ARHGAP26: variants seen among roughly 807,000 people sequenced by gnomAD.
ARHGAP26 encodes Rho GTPase activating protein 26.
In ARHGAP26, 38 loss-of-function variants were observed where a neutral mutation model predicts 104.8. That is an observed-to-expected ratio of 0.36 (90% CI 0.28 to 0.48). The LOEUF (loss-of-function observed/expected upper bound fraction) is 0.48, where lower values mean the gene tolerates loss of function less well. ARHGAP26 is among the 20% of genes least tolerant of loss of function. The pLI, the probability that ARHGAP26 is intolerant of heterozygous loss-of-function variation, is 0.99. For missense variants in ARHGAP26, 704 were observed against 947.9 expected (o/e 0.74, Z 3.38); for synonymous variants, 341 against 340.0 (o/e 1.00, Z -0.03).
chr5:143,152,300 A>G (rs1333960555), intron 20 of ARHGAP26, among the ~76,000 whole-genome samples: 2 of 152,216 alleles, frequency 1.3e-5, no homozygotes, highest in Non-Finnish European at 2.9e-5. Flanking sequence ...CAAGATGTTA[A>G]TAATTAAGGA....
chr5:143,096,014 A>T lies in ARHGAP26; in HGVS notation c.1539-24974A>T, dbSNP rs189917736. Among the ~76,000 whole-genome samples, 285 of 152,356 alleles carry T rather than the reference A, an allele frequency of 1.9e-3. 7 individuals are homozygous for T. Among genetic ancestry groups the T allele is most frequent in the Admixed American group, 0.016 (252 of 15,310 alleles). On this transcript the variant is annotated intron_variant, in intron 17 of 22. Coordinates refer to ENST00000645722, the MANE Select transcript of ARHGAP26 (RefSeq NM_001135608.3). ...TTTTTTAAAACTCTACCAACATTCAACAAGTGGTAATTTTTTAAAAAAATT... is the reference window on the plus strand; with the variant it reads ...TTTTTTAAAACTCTACCAACATTCATCAAGTGGTAATTTTTTAAAAAAATT...
intron 17 of ARHGAP26, among the ~76,000 whole-genome samples, chr5:143,106,346 C>T (rs147693085): frequency 6.6e-6 from 1 of 151,172 alleles, no homozygotes; most frequent in African/African-American, 2.4e-5. Flanking sequence ...CATCATTGTG[C>T]GGGTAACCAC....
chr5:143,099,275 A>C (rs1317883613), intron 17 of ARHGAP26, among the ~76,000 whole-genome samples: 1 of 152,220 alleles, frequency 6.6e-6, no homozygotes, highest in Non-Finnish European at 1.5e-5. Context: ...CCAGAAAGTA[A>C]GGACCTAAGC....
intron 17 of ARHGAP26, among the ~76,000 whole-genome samples, chr5:143,101,035 G>A (rs1037826313): frequency 6.6e-6 from 1 of 152,208 alleles, no homozygotes; most frequent in Admixed American, 6.5e-5. Flanking sequence ...GGAGGTTGCA[G>A]TGAACAAACA....
chr5:142,825,217 C>G (rs184274407), intron 1 of ARHGAP26, among the ~76,000 whole-genome samples: 3 of 152,318 alleles, frequency 2.0e-5, no homozygotes, highest in East Asian at 3.9e-4. Flanking sequence ...TACAACAGTA[C>G]CTAGCACACA....
intron 11 of ARHGAP26, among the ~76,000 whole-genome samples, chr5:143,006,316 CTTTTTTTTTTT>C (rs34154406): frequency 1.8e-5 from 2 of 112,874 alleles, no homozygotes; most frequent in Admixed American, 9.4e-5. Context: ...AGTGTTTTTT[CTTTTTTTTTTT>C]TTTTTTTTTT....
At chr5:143,073,771 C>G (rs1788603637) in intron 17 of ARHGAP26, among the ~76,000 whole-genome samples, 1 of 152,140 alleles carries the variant, frequency 6.6e-6, no homozygotes, top group Admixed American at 6.5e-5. Context: ...CTCCTGGCTT[C>G]TTTATTTTTG....
intron 17 of ARHGAP26, among the ~76,000 whole-genome samples, chr5:143,100,949 T>A (rs1328171761): frequency 2.0e-5 from 3 of 152,092 alleles, no homozygotes; most frequent in Non-Finnish European, 4.4e-5. Flanking sequence ...AAAAACTAGC[T>A]GAGTGTGGTG....
chr5:142,881,128 G>A (rs896454606), intron 4 of ARHGAP26, among the ~76,000 whole-genome samples: 27 of 152,222 alleles, frequency 1.8e-4, no homozygotes, highest in African/African-American at 6.0e-4. Context: ...TGCCCGCAGG[G>A]CTCCTCTTGG....
intron 12 of ARHGAP26, among the ~76,000 whole-genome samples, chr5:143,029,188 G>A (rs1781493193): frequency 6.6e-6 from 1 of 152,066 alleles, no homozygotes; most frequent in African/African-American, 2.4e-5. Context: ...AATGTGGGTG[G>A]TTTTCTCAAT....
At chr5:142,888,313 C>T (rs557884063) in intron 5 of ARHGAP26, among the ~76,000 whole-genome samples, 6 of 152,202 alleles carry the variant, frequency 3.9e-5, no homozygotes, top group African/African-American at 1.2e-4. Context: ...TGTTGAGGCT[C>T]TCTTGCCTGC....
intron 1 of ARHGAP26, among the ~76,000 whole-genome samples, chr5:142,826,741 C>A (rs181127343): frequency 1.1e-4 from 16 of 152,236 alleles, no homozygotes; most frequent in African/African-American, 3.1e-4. Flanking sequence ...AGCCTTAAAG[C>A]CCAGGTCAGT....
At chr5:143,193,554 A>G (rs768049915) in intron 20 of ARHGAP26, among the ~76,000 whole-genome samples, 2 of 152,122 alleles carry the variant, frequency 1.3e-5, no homozygotes, top group Admixed American at 6.6e-5. Flanking sequence ...CCCGGCCTAC[A>G]GTGCTTATGT....
chr5:142,787,067 C>T (rs1256785502), intron 1 of ARHGAP26, among the ~76,000 whole-genome samples: 1 of 152,160 alleles, frequency 6.6e-6, no homozygotes, highest in East Asian at 1.9e-4. Flanking sequence ...CTGTCTAGGG[C>T]TCCCTTTCCT....
intron 1 of ARHGAP26, among the ~76,000 whole-genome samples, chr5:142,821,872 C>T (rs1766266435): frequency 6.6e-6 from 1 of 152,160 alleles, no homozygotes; most frequent in Non-Finnish European, 1.5e-5. Context: ...TGGTGCTCAG[C>T]TGCTTATAAA....
intron 1 of ARHGAP26, among the ~76,000 whole-genome samples, chr5:142,830,837 T>G (rs1012859650): frequency 6.6e-6 from 1 of 152,178 alleles, no homozygotes; most frequent in African/African-American, 2.4e-5. Context: ...CCTCTCTCAG[T>G]TTGTATCATT....
intron 1 of ARHGAP26, chr5:142,771,284 T>G: frequency 8.1e-7 from 1 of 1,241,230 alleles, no homozygotes; most frequent in Non-Finnish European, 1.0e-6. Flanking sequence ...CAGCTCCAGC[T>G]CCCTTAGGGG....
intron 12 of ARHGAP26, among the ~76,000 whole-genome samples, chr5:143,036,291 G>A (rs570098709): frequency 1.5e-3 from 222 of 152,244 alleles, no homozygotes; most frequent in African/African-American, 5.0e-3. Flanking sequence ...GATTATCACC[G>A]GGTAACCAAA....
At chr5:142,888,723 T>A (rs558464760) in intron 5 of ARHGAP26, among the ~76,000 whole-genome samples, 2 of 152,318 alleles carry the variant, frequency 1.3e-5, no homozygotes, top group East Asian at 3.9e-4. Context: ...AGTTTTTGAA[T>A]GGTAAAAAAG....
Sources: gnomAD v4.1 joint callset for allele counts (sites outside exome capture counted in the v4.1 genomes callset) on GRCh38, gnomAD v4.1.1 for gene constraint, MANE v1.5 for transcripts, NCBI Gene and HGNC (gene_info 2026-07-23, HGNC 2026-07-21) for gene names.